The following NOVA2 variants were observed in gnomAD, a reference collection of about 807,000 sequenced individuals.
NOVA2 encodes RNA-binding protein Nova-2.
In NOVA2, 9 loss-of-function variants were observed where a neutral mutation model predicts 22.5. The ratio of observed to expected loss-of-function variants is 0.40; its 90% CI spans 0.24 to 0.70. The LOEUF (loss-of-function observed/expected upper bound fraction) is 0.70, where lower values mean the gene tolerates loss of function less well. Among genes scored for constraint, NOVA2 ranks in the 30% least tolerant of loss-of-function variants. The pLI is 0.38. For missense variants in NOVA2, 383 were observed against 682.8 expected (o/e 0.56, Z 4.89); for synonymous variants, 318 against 335.2 (o/e 0.95, Z 0.56).
intron 2 of NOVA2, among the ~76,000 whole-genome samples, chr19:45,957,153 G>A (rs1236120314): frequency 6.6e-6 from 1 of 152,164 alleles, no homozygotes; most frequent in East Asian, 1.9e-4. Flanking sequence ...GCTCATGCCT[G>A]CAATCCCATC....
intron 2 of NOVA2, among the ~76,000 whole-genome samples, chr19:45,958,092 C>T (rs1968031570): frequency 8.1e-6 from 1 of 123,224 alleles, no homozygotes. Context: ...AGCCTGGTGA[C>T]AGAGCAAGAC....
chr19:45,964,179 C>CTTTTTTTTTTTTT (rs10555207), intron 1 of NOVA2, among the ~76,000 whole-genome samples: 6 of 106,958 alleles, frequency 5.6e-5, no homozygotes, highest in Admixed American at 1.0e-4. Flanking sequence ...TTTTCTTTTT[C>CTTTTTTTTTTTTT]TTTTTTTTTT....
intron 3 of NOVA2, among the ~76,000 whole-genome samples, chr19:45,946,601 C>T (rs924268762): frequency 6.6e-5 from 10 of 151,974 alleles, no homozygotes; most frequent in South Asian, 2.1e-4. Context: ...CAGCCAGGCA[C>T]GGTGGCTCAC....
At chr19:45,969,314 G>A (rs992302729) in intron 1 of NOVA2, among the ~76,000 whole-genome samples, 1 of 151,880 alleles carries the variant, frequency 6.6e-6, no homozygotes, top group African/African-American at 2.4e-5. Flanking sequence ...AGACCAGCCT[G>A]GGCAACATAG....
intron 2 of NOVA2, 54 bp from the exon 3 acceptor site, chr19:45,954,000 C>A (rs779163931): frequency 1.3e-6 from 2 of 1,583,260 alleles, no homozygotes; most frequent in Non-Finnish European, 1.7e-6. Context: ...TGGGAACATT[C>A]CTGAGAGACA....
rs1473923043 is a variant in NOVA2 at position 45,936,830 on chromosome 19, G to A, written c.*3033C>T. ...TATTAAGCACCTACTGGGTGCTGAA[G>A]AGAAGGGTGCAAGGAGGCCACTCAG... On this transcript the variant is annotated 3_prime_UTR_variant, in exon 4 of 4. Coordinates refer to ENST00000263257, the MANE Select transcript of NOVA2 (RefSeq NM_002516.4). 1 of 152,150 alleles carries A rather than the reference G, an allele frequency of 6.6e-6. No homozygotes were observed. The highest frequency in any genetic ancestry group is 1.5e-5 in the Non-Finnish European group (1 of 68,032). The allele number at this position is 152,150 out of a possible 1,614,324, so 9.4% of individuals were successfully genotyped here. A position where few individuals can be genotyped will look rare whatever the true frequency, so the allele number is the denominator to read the frequency against.
At position 45,937,354 on chromosome 19, in the gene NOVA2, A is replaced by C. The variant is rs574089742; in HGVS notation, c.*2509T>G. On this transcript the variant is annotated 3_prime_UTR_variant, in exon 4 of 4. Transcript: ENST00000263257. ...ATGATATGCAAATGAGTTCATTCAG[A>C]TCCCACCTCCCCAGTCCCAGACCTT... The C allele has an allele frequency of 4.6e-5, 7 of 152,166 alleles. No individual in the cohort carries two copies. The highest frequency in any genetic ancestry group is 1.0e-4 in the Non-Finnish European group (7 of 68,086). The allele number at this position is 152,166 out of a possible 1,614,324, so 9.4% of individuals were successfully genotyped here.
Position 45,936,795 on chromosome 19 carries a change from A to C in NOVA2, c.*3068T>G, listed in dbSNP as rs1190623776. The C allele has an allele frequency of 1.3e-5, 2 of 152,178 alleles. No individual in the cohort carries two copies. The highest frequency in any genetic ancestry group is 2.9e-5 in the Non-Finnish European group (2 of 68,052). 9.4% of individuals were successfully genotyped at this position (152,178 alleles called of 1,614,324 possible). On this transcript the variant is annotated 3_prime_UTR_variant, in exon 4 of 4. Coordinates refer to ENST00000263257, the MANE Select transcript of NOVA2 (RefSeq NM_002516.4). The stretch of plus-strand genomic sequence containing the variant: ...AAGGAATAGGGAGATAATCCAATGC[A>C]GCAAACACTTATTAAGCACCTACTG...
At chr19:45,960,766 C>A (rs1440356260) in intron 2 of NOVA2, among the ~76,000 whole-genome samples, 1 of 152,172 alleles carries the variant, frequency 6.6e-6, no homozygotes, top group Non-Finnish European at 1.5e-5. Context: ...TCTGCCAGCG[C>A]ATCATGCAAA....
intron 3 of NOVA2, among the ~76,000 whole-genome samples, chr19:45,943,681 G>T (rs1246515225): frequency 1.3e-5 from 2 of 150,628 alleles, no homozygotes; most frequent in Non-Finnish European, 2.9e-5. Context: ...TTGTGCCACT[G>T]CACTTCAACC....
At chr19:45,946,920 G>A (rs1212534880) in intron 3 of NOVA2, among the ~76,000 whole-genome samples, 4 of 150,848 alleles carry the variant, frequency 2.7e-5, no homozygotes, top group South Asian at 2.1e-4. Context: ...GTGCGCACGC[G>A]CATGTACACA....
In NOVA2 at chr19:45,940,094, G is replaced by A; in HGVS notation, c.1248C>T (p.Asn416=). 2 of 1,613,668 alleles carry A rather than the reference G, an allele frequency of 1.2e-6. No homozygotes were observed. The highest frequency in any genetic ancestry group is 1.7e-6 in the Non-Finnish European group (2 of 1,179,908). ...KELVEIAVPE[N]LVGAILGKGG... ...CCTTCCCCAGGATGGCTCCCACCAG[G>A]TTCTCAGGCACCGCAATCTCCACCA... The change falls in exon 4 of 4, where the codon AAC becomes AAT. Residue 416 remains asparagine (N), a synonymous_variant. Coordinates refer to ENST00000263257, the MANE Select transcript of NOVA2 (RefSeq NM_002516.4).
Position 45,961,105 on chromosome 19 carries a change from C to G in NOVA2, c.134G>C (p.Gly45Ala). 6.3e-7 allele frequency: 1 copy of G among 1,594,352 alleles called. No individual in the cohort carries two copies. Among genetic ancestry groups the G allele is most frequent in the Non-Finnish European group, 8.5e-7 (1 of 1,170,468 alleles). Residue 45 changes from glycine to alanine, a missense_variant, in exon 2 of 4, where the codon GGC (glycine) becomes GCC (alanine). Around this residue, in one of 2 missense-constraint regions of NOVA2, gnomAD observed 349 missense variants for 578.1 expected, o/e 0.60. Coordinates refer to ENST00000263257, the MANE Select transcript of NOVA2 (RefSeq NM_002516.4). ...LKVLIPSYAAGSIIGKGGQTI... is the reference protein window; with the variant it reads ...LKVLIPSYAAASIIGKGGQTI... ...CTGCCCGCCCTTGCCAATGATGGAG[C>G]CCGCCGCGTAGCTGGGGATCAGCAC...
rs1967693161 is a variant in NOVA2 at position 45,938,670 on chromosome 19, T to C, written c.*1193A>G. 1 of 152,246 alleles carries C rather than the reference T, an allele frequency of 6.6e-6. No individual in the cohort carries two copies. The highest frequency in any genetic ancestry group is 2.4e-5 in the African/African-American group (1 of 41,434). 9.4% of individuals were successfully genotyped at this position (152,246 alleles called of 1,614,324 possible). A position where few individuals can be genotyped will look rare whatever the true frequency, so the allele number is the denominator to read the frequency against. On this transcript the variant is annotated 3_prime_UTR_variant, in exon 4 of 4. Transcript: ENST00000263257. ...TGACGTGTTTGAATGGAGATGACCC[T>C]GACAATATTGGTTTTTTTCCGTTAG...
intron 2 of NOVA2, 94 bp downstream of exon 2, chr19:45,960,916 A>T: frequency 7.6e-7 from 1 of 1,315,274 alleles, no homozygotes; most frequent in Non-Finnish European, 1.0e-6. Flanking sequence ...CACTGTCCTT[A>T]GGGCAGACCT....
chr19:45,965,087 G>A lies in NOVA2; in HGVS notation c.86-3934C>T, dbSNP rs79937785. On this transcript the variant is annotated intron_variant, in intron 1 of 3. Transcript: ENST00000263257. ...CCTACCAATCATCCTGACCCCTACT[G>A]AATTCATTCTCTTCCATGGACTCAC... 5.9e-5 allele frequency among the ~76,000 whole-genome samples: 9 copies of A among 152,168 alleles called. No individual in the cohort carries two copies. The East Asian group carries it at 1.7e-3, about 29-fold the overall frequency.
At position 45,940,399 on chromosome 19, in the gene NOVA2, C is replaced by T; in HGVS notation, c.943G>A (p.Gly315Arg). The T allele has an allele frequency of 6.9e-7, 1 of 1,453,276 alleles. No homozygotes were observed. Among genetic ancestry groups the T allele is most frequent in the Admixed American group, 2.4e-5 (1 of 42,122 alleles). The allele number at this position is 1,453,276 out of a possible 1,614,324, so 90.0% of individuals were successfully genotyped here. A position where few individuals can be genotyped will look rare whatever the true frequency, so the allele number is the denominator to read the frequency against. ...GCGGCGGCGGCTGCTGGGTTGGCCC[C>T]GGCGGCCACGGCGGCCAGGACGCCG... Reference protein sequence around the residue: ...ASGVLAAVAAGANPAAAAAAN... With the variant: ...ASGVLAAVAARANPAAAAAAN... The change falls in exon 4 of 4, where the codon GGG becomes AGG. Residue 315 changes from glycine (G) to arginine (R), a missense_variant. This residue lies in a region of NOVA2 where 349 missense variants were observed against 578.1 expected (regional missense o/e 0.60). Coordinates refer to ENST00000263257, the MANE Select transcript of NOVA2 (RefSeq NM_002516.4).
intron 3 of NOVA2, among the ~76,000 whole-genome samples, chr19:45,951,470 T>G (rs547230978): frequency 6.6e-6 from 1 of 151,804 alleles, no homozygotes; most frequent in African/African-American, 2.4e-5. Flanking sequence ...TACAAAAAAT[T>G]AGCCAGGCAT....
intron 3 of NOVA2, among the ~76,000 whole-genome samples, chr19:45,951,595 G>A (rs2146415036): frequency 6.6e-6 from 1 of 150,708 alleles, no homozygotes; most frequent in Non-Finnish European, 1.5e-5. Flanking sequence ...TCCATCCTGG[G>A]CAACAAGAGC....
Sources: allele counts gnomAD v4.1 joint callset (sites outside exome capture counted in the v4.1 genomes callset), GRCh38; gene constraint gnomAD v4.1.1; regional missense constraint gnomAD v4.1.1; transcripts MANE v1.5; gene names NCBI Gene and HGNC (gene_info 2026-07-23, HGNC 2026-07-21).